The following AMOTL1 variants were observed in gnomAD, a reference collection of about 807,000 sequenced individuals.
AMOTL1 encodes the protein angiomotin like 1, also known as angiomotin-like protein 1.
A neutral mutation model predicts 102.9 loss-of-function variants in AMOTL1; 45 were observed. The observed-to-expected ratio is 0.44, with a 90% CI of 0.34 to 0.56. The LOEUF is 0.56. AMOTL1 is among the 20% of genes least tolerant of loss of function. The pLI is 0.01. For missense variants in AMOTL1, 1,114 were observed against 1,225.6 expected, an observed-to-expected ratio of 0.91 and a Z score of 1.36; for synonymous variants, 481 against 484.7, an observed-to-expected ratio of 0.99 and a Z score of 0.10.
intron 1 of AMOTL1, among the ~76,000 whole-genome samples, chr11:94,723,543 C>T (rs1950207691): frequency 6.6e-6 from 1 of 152,004 alleles, no homozygotes; most frequent in Non-Finnish European, 1.5e-5. Flanking sequence ...CAATAAATTC[C>T]CCAGCAGCTT....
chr11:94,870,746 T>G lies in AMOTL1; in HGVS notation c.2822T>G (p.Leu941Arg), dbSNP rs1254547270. 3 of 1,604,182 alleles carry G rather than the reference T, an allele frequency of 1.9e-6. No individual in the cohort carries two copies. Among genetic ancestry groups the G allele is most frequent in the Admixed American group, 3.4e-5 (2 of 59,314 alleles). The stretch of plus-strand genomic sequence containing the variant: ...CACAGAGGCCGGGTCAGCAGCTTGC[T>G]GCACAAGCCCGAGTTCCCTGATGGA... The part of the protein sequence containing the change: ...PDHRGRVSSL[L>R]HKPEFPDGEM... Residue 941 changes from leucine to arginine, a missense_variant, in exon 13 of 13, where the codon CTG (leucine) becomes CGG (arginine). Physicochemically the swap from Leu to Arg is moderately radical, Grantham distance 102. Transcript: ENST00000433060.
At chr11:94,830,341 G>A in intron 5 of AMOTL1, 147 bp downstream of exon 5, 1 of 768,284 alleles carries the variant, frequency 1.3e-6, no homozygotes, top group South Asian at 2.6e-5. Context: ...CTGGGGAAGG[G>A]AGGAGGTGCT....
At chr11:94,812,730 TG>T (rs1218840996) in intron 3 of AMOTL1, among the ~76,000 whole-genome samples, 3 of 152,120 alleles carry the variant, frequency 2.0e-5, no homozygotes, top group African/African-American at 7.2e-5. Flanking sequence ...TTAGTGATTT[TG>T]GGGTCCCAAG....
At chr11:94,812,307 T>C (rs1951696237) in intron 3 of AMOTL1, among the ~76,000 whole-genome samples, 1 of 152,120 alleles carries the variant, frequency 6.6e-6, no homozygotes, top group South Asian at 2.1e-4. Flanking sequence ...AGGTGTATAT[T>C]GGTTTGGTCC....
chr11:94,821,451 A>G (rs962654044), intron 3 of AMOTL1, 79 bp from the exon 4 acceptor site: 1 of 1,441,588 alleles, frequency 6.9e-7, no homozygotes, highest in Non-Finnish European at 9.4e-7. Flanking sequence ...AGCCATCAAC[A>G]GTGCCAGTAT....
chr11:94,848,172 G>A (rs1267809387), intron 6 of AMOTL1, among the ~76,000 whole-genome samples: 2 of 152,168 alleles, frequency 1.3e-5, no homozygotes, highest in Non-Finnish European at 1.5e-5. Flanking sequence ...ATCCCTTCAG[G>A]GCTGTGGATG....
intron 1 of AMOTL1, among the ~76,000 whole-genome samples, chr11:94,718,392 T>C (rs1044546482): frequency 8.5e-5 from 13 of 152,068 alleles, no homozygotes; most frequent in East Asian, 5.8e-4. Context: ...TATAACTTTG[T>C]GTGCACTTAT....
chr11:94,806,275 C>T (rs1591984929), intron 3 of AMOTL1, among the ~76,000 whole-genome samples: 2 of 152,238 alleles, frequency 1.3e-5, no homozygotes, highest in Non-Finnish European at 2.9e-5. Flanking sequence ...ACAGGCCTTA[C>T]TCCTAGTGGG....
chr11:94,853,346 G>A (rs921765220), intron 7 of AMOTL1, among the ~76,000 whole-genome samples: 3 of 151,166 alleles, frequency 2.0e-5, no homozygotes, highest in Non-Finnish European at 4.4e-5. Flanking sequence ...TCCCCTCCCT[G>A]TGCCTATATG....
chr11:94,810,745 T>C (rs1295533830), intron 3 of AMOTL1, among the ~76,000 whole-genome samples: 1 of 148,186 alleles, frequency 6.7e-6, no homozygotes, highest in African/African-American at 2.5e-5. Context: ...CAGAAGTAAA[T>C]GGAGAAAACA....
intron 2 of AMOTL1, among the ~76,000 whole-genome samples, chr11:94,797,561 A>C (rs865870398): frequency 6.6e-6 from 1 of 152,214 alleles, no homozygotes; most frequent in Non-Finnish European, 1.5e-5. Context: ...GGAGATATAT[A>C]CAAATGGAGT....
chr11:94,768,131 T>G (rs184472008), upstream of AMOTL1, among the ~76,000 whole-genome samples: 630 of 152,268 alleles, frequency 4.1e-3, 13 homozygotes, highest in South Asian at 0.035. Flanking sequence ...AAGGAAGGGA[T>G]GCTGTCGCCC....
chr11:94,843,410 G>A (rs1952345654), intron 6 of AMOTL1, among the ~76,000 whole-genome samples: 1 of 152,168 alleles, frequency 6.6e-6, no homozygotes, highest in Non-Finnish European at 1.5e-5. Context: ...GCCCCTGAGT[G>A]TGGAATATCT....
chr11:94,721,865 T>C (rs1950178909), intron 1 of AMOTL1, among the ~76,000 whole-genome samples: 1 of 152,174 alleles, frequency 6.6e-6, no homozygotes, highest in African/African-American at 2.4e-5. Flanking sequence ...TGTGATGTTT[T>C]CACCTGTTCG....
At chr11:94,861,727 G>A (rs888015016) in intron 9 of AMOTL1, among the ~76,000 whole-genome samples, 8 of 152,216 alleles carry the variant, frequency 5.3e-5, no homozygotes, top group African/African-American at 1.9e-4. Context: ...TGTGACCTTG[G>A]AGGAATGACA....
intron 3 of AMOTL1, among the ~76,000 whole-genome samples, chr11:94,760,417 C>T (rs1950777630): frequency 6.6e-6 from 1 of 152,176 alleles, no homozygotes; most frequent in Non-Finnish European, 1.5e-5. Flanking sequence ...CTGGGCCATC[C>T]CTGCATCCTC....
intron 6 of AMOTL1, among the ~76,000 whole-genome samples, chr11:94,849,219 A>G (rs968922302): frequency 6.6e-6 from 1 of 152,214 alleles, no homozygotes; most frequent in Non-Finnish European, 1.5e-5. Context: ...GCATCCTATC[A>G]GAGAGTTTCT....
At chr11:94,734,919 G>A (rs535746869) in intron 2 of AMOTL1, among the ~76,000 whole-genome samples, 2 of 152,298 alleles carry the variant, frequency 1.3e-5, no homozygotes, top group East Asian at 3.9e-4. Context: ...GTCTTAACTT[G>A]TTATTATGGC....
At chr11:94,827,151 C>G (rs987047198) in intron 4 of AMOTL1, among the ~76,000 whole-genome samples, 2 of 152,184 alleles carry the variant, frequency 1.3e-5, no homozygotes, top group East Asian at 3.9e-4. Context: ...ATTCTACCCT[C>G]AAGGAGTTAG....
Sources: allele counts gnomAD v4.1 joint callset (sites outside exome capture counted in the v4.1 genomes callset), GRCh38; gene constraint gnomAD v4.1.1; transcripts MANE v1.5; gene names NCBI Gene and HGNC (gene_info 2026-07-23, HGNC 2026-07-21).